The following ANO5 variants were observed in gnomAD, a reference collection of about 807,000 sequenced individuals.
ANO5 encodes anoctamin-5.
A neutral mutation model predicts 121.0 loss-of-function variants in ANO5; 109 were observed. The observed-to-expected ratio is 0.90, with a 90% CI of 0.77 to 1.06. The LOEUF (loss-of-function observed/expected upper bound fraction) is 1.06, where lower values mean the gene tolerates loss of function less well. Among genes scored for constraint, ANO5 ranks in the 50% least tolerant of loss-of-function variants. The pLI is 0.00. For synonymous variants in ANO5, 406 were observed against 359.9 expected, an observed-to-expected ratio of 1.13 and a Z score of -1.45; for missense variants, 1,064 against 1,078.5, an observed-to-expected ratio of 0.99 and a Z score of 0.19.
intron 9 of ANO5, among the ~76,000 whole-genome samples, chr11:22,243,138 A>C (rs1311267083): frequency 1.3e-5 from 2 of 152,048 alleles, no homozygotes; most frequent in Admixed American, 1.3e-4. Flanking sequence ...AATTTTATCA[A>C]AAGCTTTTTC....
intron 8 of ANO5, among the ~76,000 whole-genome samples, chr11:22,238,328 G>T (rs940776597): frequency 6.8e-6 from 1 of 147,900 alleles, no homozygotes; most frequent in African/African-American, 2.5e-5. Flanking sequence ...TAATTTTTAG[G>T]GCATTAGTTC....
At chr11:22,209,788 C>G (rs1424839492) in intron 2 of ANO5, among the ~76,000 whole-genome samples, 1 of 151,854 alleles carries the variant, frequency 6.6e-6, no homozygotes, top group Non-Finnish European at 1.5e-5. Context: ...GAAATCAGAG[C>G]AAAGATTTTT....
In ANO5 at chr11:22,281,867, A is replaced by G. The variant is rs1855093780; in HGVS notation, c.*2102A>G. ...GGAAGAAATCGTTTTTAAGATAAGT[A>G]AATAATTCCCATGGATTGATAAATA... On this transcript the variant is annotated 3_prime_UTR_variant, in exon 22 of 22. Coordinates refer to ENST00000324559, the MANE Select transcript of ANO5 (RefSeq NM_213599.3). 1 of 152,160 alleles carries G rather than the reference A, an allele frequency of 6.6e-6. No individual in the cohort carries two copies. The allele number at this position is 152,160 out of a possible 1,614,324, so 9.4% of individuals were successfully genotyped here.
chr11:22,205,145 A>T (rs185409689), intron 2 of ANO5, among the ~76,000 whole-genome samples: 23 of 152,240 alleles, frequency 1.5e-4, no homozygotes, highest in Non-Finnish European at 3.2e-4. Flanking sequence ...GAGATAAATT[A>T]TCAGAACACA....
chr11:22,206,032 A>G (rs142555899), intron 2 of ANO5, among the ~76,000 whole-genome samples: 83 of 152,274 alleles, frequency 5.5e-4, no homozygotes, highest in African/African-American at 1.9e-3. Flanking sequence ...AATTCTACCA[A>G]ATGTTTAAAG....
At chr11:22,197,738 C>T (rs1851855402) in intron 1 of ANO5, among the ~76,000 whole-genome samples, 1 of 152,170 alleles carries the variant, frequency 6.6e-6, no homozygotes, top group African/African-American at 2.4e-5. Flanking sequence ...AGTGAAAACT[C>T]AAGACTCAGT....
Position 22,239,593 on chromosome 11 carries a change from C to A in ANO5, c.787C>A (p.Pro263Thr). Reference protein sequence around the residue: ...HDGQYWKPSEPPNPTNERYTL... With the variant: ...HDGQYWKPSETPNPTNERYTL... ...GGGCCAATATTGGAAGCCATCAGAA[C>A]CTCCCAATCCTACCAATGAAAGATA... The change falls in exon 9 of 22, where the codon CCT becomes ACT. Residue 263 changes from proline to threonine, a missense_variant. Transcript: ENST00000324559. 1 of 1,612,634 alleles carries A rather than the reference C, an allele frequency of 6.2e-7. No individual in the cohort carries two copies. Among genetic ancestry groups the A allele is most frequent in the South Asian group, 1.1e-5 (1 of 91,068 alleles).
intron 1 of ANO5, among the ~76,000 whole-genome samples, chr11:22,199,161 T>A (rs1851891930): frequency 6.6e-6 from 1 of 152,178 alleles, no homozygotes; most frequent in Non-Finnish European, 1.5e-5. Flanking sequence ...AGGAGTTATT[T>A]CGATTTTATT....
At chr11:22,227,009 A>G (rs772931135) in intron 6 of ANO5, among the ~76,000 whole-genome samples, 1 of 152,136 alleles carries the variant, frequency 6.6e-6, no homozygotes, top group South Asian at 2.1e-4. Context: ...AGATGAGTAT[A>G]CATTGACCAT....
In ANO5 at chr11:22,257,680, G is replaced by A; in HGVS notation, c.1333G>A (p.Glu445Lys). 6.2e-7 allele frequency: 1 copy of A among 1,608,130 alleles called. No individual in the cohort carries two copies. The highest frequency in any genetic ancestry group is 8.5e-7 in the Non-Finnish European group (1 of 1,174,852). Residue 445 changes from glutamate to lysine, a missense_variant and splice_region_variant, in exon 14 of 22, where the codon GAG (glutamate) becomes AAG (lysine). Coordinates refer to ENST00000324559, the MANE Select transcript of ANO5 (RefSeq NM_213599.3). The stretch of plus-strand genomic sequence containing the variant: ...CTTTGTGATTTCTTCAATATTACAG[G>A]AGATGGAACCTTACATGCCTCTATA... Reference protein sequence around the residue: ...KHRKLNAVTKEMEPYMPLYTR... With the variant: ...KHRKLNAVTKKMEPYMPLYTR...
In ANO5 at chr11:22,194,640, C is replaced by T. The variant is rs1343807049; in HGVS notation, c.40+1108C>T. Among the ~76,000 whole-genome samples, 4 of 152,282 alleles carry T rather than the reference C, an allele frequency of 2.6e-5. No individual in the cohort carries two copies. In the South Asian group the frequency reaches 6.2e-4, roughly 24 times the overall value. ...TTCCTACCAGTAATCTCTTTATTGT[C>T]TCTATAGATTTGCCTATTCAAGACC... is the stretch of plus-strand genomic sequence containing the variant. On this transcript the variant is annotated intron_variant, in intron 1 of 21. Transcript: ENST00000324559.
chr11:22,202,101 A>T (rs1851982067), intron 1 of ANO5, among the ~76,000 whole-genome samples: 1 of 147,522 alleles, frequency 6.8e-6, no homozygotes, highest in African/African-American at 2.7e-5. Flanking sequence ...AAGGCAAAAA[A>T]CTCATATCAA....
chr11:22,235,642 A>G (rs1043156969), intron 7 of ANO5, among the ~76,000 whole-genome samples: 2 of 152,202 alleles, frequency 1.3e-5, no homozygotes, highest in South Asian at 4.1e-4. Flanking sequence ...AGCCCAAATC[A>G]TATTCAGGAT....
rs1183218359 is a variant in ANO5 at position 22,257,752 on chromosome 11, T to C, written c.1405T>C (p.Trp469Arg). 1.2e-6 allele frequency: 2 copies of C among 1,608,442 alleles called. No homozygotes were observed. The highest frequency in any genetic ancestry group is 1.7e-6 in the Non-Finnish European group (2 of 1,175,144). Residue 469 changes from tryptophan to arginine, a missense_variant and splice_region_variant, in exon 14 of 22, where the codon TGG becomes CGG. Physicochemically the swap from Trp to Arg is moderately radical, Grantham distance 101. Transcript: ENST00000324559. ...YFLSGATVTL[W>R]MSLVVTSMVA... ...TCTTTCAGGAGCCACAGTGACATTA[T>C]GGGTGAGCATTTCTTTAAAAATTGC...
chr11:22,245,580 T>C (rs1853588430), intron 9 of ANO5, among the ~76,000 whole-genome samples: 1 of 152,188 alleles, frequency 6.6e-6, no homozygotes, highest in Non-Finnish European at 1.5e-5. Flanking sequence ...TTCAATTTCA[T>C]GTTATTTGGG....
intron 2 of ANO5, among the ~76,000 whole-genome samples, chr11:22,209,384 A>G (rs900008719): frequency 9.9e-5 from 15 of 151,904 alleles, no homozygotes; most frequent in Admixed American, 3.3e-4. Context: ...ATCTCACTGT[A>G]TGGACTTTAT....
rs866357544 is a variant in ANO5, at chr11:22,276,119, G to A, written c.2440G>A (p.Asp814Asn). The part of the protein sequence containing the change: ...CRYRDYRYPP[D>N]DENKYFHNMQ... ...GTACAGAGATTACAGATATCCTCCT[G>A]ATGACGAGAATAAATATTTTCATAA... Residue 814 changes from aspartate (D) to asparagine (N), a missense_variant, in exon 21 of 22, where the codon GAT becomes AAT. Asp to Asn is a conservative substitution (Grantham distance 23). Coordinates refer to ENST00000324559, the MANE Select transcript of ANO5 (RefSeq NM_213599.3). 1.2e-6 allele frequency: 2 copies of A among 1,609,428 alleles called. No homozygotes were observed. The highest frequency in any genetic ancestry group is 1.7e-5 in the Admixed American group (1 of 59,784).
rs1855118656 is a variant in ANO5, at chr11:22,282,560, A to T, written c.*2795A>T. 1 of 152,172 alleles carries T rather than the reference A, an allele frequency of 6.6e-6. No individual in the cohort carries two copies. Among genetic ancestry groups the T allele is most frequent in the African/African-American group, 2.4e-5 (1 of 41,454 alleles). 9.4% of individuals were successfully genotyped at this position (152,172 alleles called of 1,614,324 possible). On this transcript the variant is annotated 3_prime_UTR_variant, in exon 22 of 22. Transcript: ENST00000324559. ...GGAGTGAGGAAACAGTTATTTCCTTATGAATCCTGTGTGTTTCTTTGGAAG... is the reference window on the plus strand; with the variant it reads ...GGAGTGAGGAAACAGTTATTTCCTTTTGAATCCTGTGTGTTTCTTTGGAAG...
At chr11:22,263,941 T>C (rs879917662) in intron 17 of ANO5, among the ~76,000 whole-genome samples, 5 of 151,900 alleles carry the variant, frequency 3.3e-5, no homozygotes, top group African/African-American at 7.3e-5. Flanking sequence ...CATGGACTTA[T>C]CCTTACAAAT....
Sources: allele counts gnomAD v4.1 joint callset (sites outside exome capture counted in the v4.1 genomes callset), GRCh38; gene constraint gnomAD v4.1.1; transcripts MANE v1.5; gene names NCBI Gene and HGNC (gene_info 2026-07-23, HGNC 2026-07-21).